Variants in ADAMTSL3 observed in about 807,000 individuals in gnomAD.
ADAMTSL3 encodes the protein ADAMTS like 3.
ADAMTSL3 carries 128 observed loss-of-function variants against 201.7 expected under a neutral mutation model. That is an observed-to-expected ratio of 0.63 (90% confidence interval 0.55 to 0.73). The LOEUF is 0.73. Among genes scored for constraint, ADAMTSL3 ranks in the 30% least tolerant of loss-of-function variants. The probability of loss-of-function intolerance (pLI) is 0.00; values close to 1 mark genes in which losing one functional copy is unlikely to be tolerated. For missense variants in ADAMTSL3, 1,990 were observed against 2,119.6 expected (o/e 0.94, Z 1.20); for synonymous variants, 738 against 748.4 (o/e 0.99, Z 0.23).
At chr15:83,821,640 C>A (rs1175373454) in intron 6 of ADAMTSL3, among the ~76,000 whole-genome samples, 1 of 151,868 alleles carries the variant, frequency 6.6e-6, no homozygotes, top group Admixed American at 6.6e-5. Context: ...CCATGTCTAC[C>A]TCTTTCTACA....
chr15:83,865,010 A>G (rs2064944843), intron 8 of ADAMTSL3, among the ~76,000 whole-genome samples: 1 of 152,214 alleles, frequency 6.6e-6, no homozygotes, highest in South Asian at 2.1e-4. Context: ...ACTCCCATTC[A>G]GAATTGCTTC....
intron 2 of ADAMTSL3, among the ~76,000 whole-genome samples, chr15:83,694,627 T>C (rs557782384): frequency 6.6e-6 from 1 of 152,242 alleles, no homozygotes; most frequent in South Asian, 2.1e-4. Flanking sequence ...ATTGTGTATA[T>C]TGGCAGGGCA....
chr15:83,813,999 A>G (rs984650367), intron 5 of ADAMTSL3, among the ~76,000 whole-genome samples: 2 of 152,226 alleles, frequency 1.3e-5, no homozygotes, highest in African/African-American at 4.8e-5. Flanking sequence ...AGATAAGTGT[A>G]TCATAATTTG....
intron 19 of ADAMTSL3, among the ~76,000 whole-genome samples, chr15:83,946,177 C>T (rs886533151): frequency 1.3e-5 from 2 of 152,240 alleles, no homozygotes; most frequent in African/African-American, 4.8e-5. Flanking sequence ...ACAGTTATAT[C>T]CTGCCTGGTG....
At chr15:83,823,372 A>G (rs1369343521) in intron 6 of ADAMTSL3, among the ~76,000 whole-genome samples, 1 of 152,226 alleles carries the variant, frequency 6.6e-6, no homozygotes, top group Non-Finnish European at 1.5e-5. Flanking sequence ...CACTACCAGG[A>G]GCTTCAGACT....
intron 25 of ADAMTSL3, among the ~76,000 whole-genome samples, chr15:84,019,615 C>T (rs186381669): frequency 7.2e-5 from 11 of 152,096 alleles, no homozygotes; most frequent in South Asian, 2.1e-4. Flanking sequence ...AACCAAAGGC[C>T]GGGCGCAGTG....
intron 23 of ADAMTSL3, among the ~76,000 whole-genome samples, chr15:83,999,499 A>G (rs2067749759): frequency 6.6e-6 from 1 of 152,220 alleles, no homozygotes; most frequent in African/African-American, 2.4e-5. Context: ...GTCTGAATCT[A>G]CTAGCGGGGT....
rs1323609006 is a variant in ADAMTSL3 at position 83,891,311 on chromosome 15, C to T, written c.1212-18C>T. The stretch of plus-strand genomic sequence containing the variant: ...ATTTATTATAGAAATGATATTCTCA[C>T]AATGATTTCATTTGTAGTGATGGAT... On this transcript the variant is annotated intron_variant, in intron 11 of 29. Coordinates refer to ENST00000286744, the MANE Select transcript of ADAMTSL3 (RefSeq NM_207517.3). The T allele has an allele frequency of 2.5e-6, 4 of 1,578,158 alleles. No individual in the cohort carries two copies. Among genetic ancestry groups the T allele is most frequent in the Non-Finnish European group, 2.6e-6 (3 of 1,148,258 alleles).
At chr15:83,858,440 T>C (rs2064786515) in intron 7 of ADAMTSL3, among the ~76,000 whole-genome samples, 1 of 152,206 alleles carries the variant, frequency 6.6e-6, no homozygotes, top group African/African-American at 2.4e-5. Context: ...TGGCACGTTC[T>C]CAGCTCACTG....
At chr15:83,935,495 A>T (rs1279440725) in intron 17 of ADAMTSL3, among the ~76,000 whole-genome samples, 1 of 152,138 alleles carries the variant, frequency 6.6e-6, no homozygotes, top group African/African-American at 2.4e-5. Flanking sequence ...ATATTTCAGA[A>T]TTAATGAAAA....
intron 13 of ADAMTSL3, among the ~76,000 whole-genome samples, chr15:83,894,339 T>G (rs1321396828): frequency 6.6e-6 from 1 of 152,230 alleles, no homozygotes; most frequent in Admixed American, 6.5e-5. Flanking sequence ...AAAAGAAGAT[T>G]AGAGAATTAC....
At position 83,892,705 on chromosome 15, in the gene ADAMTSL3, T is replaced by C. The variant is rs1596366484; in HGVS notation, c.1284T>C (p.Thr428=). 1.2e-6 allele frequency: 2 copies of C among 1,613,920 alleles called. No individual in the cohort carries two copies. The highest frequency in any genetic ancestry group is 3.3e-4 in the Middle Eastern group (2 of 6,062). Residue 428 remains threonine (T), a synonymous_variant, in exon 13 of 30, where the codon ACT becomes ACC. Coordinates refer to ENST00000286744, the MANE Select transcript of ADAMTSL3 (RefSeq NM_207517.3). The part of the protein sequence containing the change: ...PLPRWEHNPW[T]ACSVSCGGGI... Reference sequence around the variant, plus strand: ...TGAGCTGGGAACATAATCCTTGGACTGCATGTTCCGTGTCCTGTGGAGGAG... The same window carrying C: ...TGAGCTGGGAACATAATCCTTGGACCGCATGTTCCGTGTCCTGTGGAGGAG...
chr15:83,913,668 GA>G (rs2141962018), intron 16 of ADAMTSL3, among the ~76,000 whole-genome samples: 1 of 152,290 alleles, frequency 6.6e-6, no homozygotes, highest in East Asian at 1.9e-4. Flanking sequence ...ATGCAGAATG[GA>G]TAAGTTAAGG....
chr15:83,932,613 G>C (rs1011366565), intron 17 of ADAMTSL3, among the ~76,000 whole-genome samples: 18 of 152,158 alleles, frequency 1.2e-4, no homozygotes, highest in African/African-American at 2.9e-4. Context: ...AATCAGAAAG[G>C]CTCCCCTGAG....
chr15:83,719,161 G>T (rs529991796), intron 3 of ADAMTSL3, among the ~76,000 whole-genome samples: 1 of 152,260 alleles, frequency 6.6e-6, no homozygotes, highest in South Asian at 2.1e-4. Flanking sequence ...TCGACCTCCC[G>T]AAAATTGAGG....
At chr15:83,903,390 C>A (rs1473710795) in intron 15 of ADAMTSL3, among the ~76,000 whole-genome samples, 1 of 151,968 alleles carries the variant, frequency 6.6e-6, no homozygotes, top group Non-Finnish European at 1.5e-5. Flanking sequence ...TTCTCATCAC[C>A]CCCCAACATA....
chr15:83,692,405 G>T (rs115764504), intron 2 of ADAMTSL3, among the ~76,000 whole-genome samples: 2,074 of 152,040 alleles, frequency 0.014, 52 homozygotes, highest in African/African-American at 0.047. Context: ...GAGTTTTGAG[G>T]CTGGGCACGG....
At chr15:83,823,463 T>C (rs2063930714) in intron 6 of ADAMTSL3, among the ~76,000 whole-genome samples, 1 of 152,132 alleles carries the variant, frequency 6.6e-6, no homozygotes, top group Admixed American at 6.5e-5. Flanking sequence ...GAAAATGGCT[T>C]CTAGTTGCTT....
chr15:83,780,055 G>T (rs2063141803), intron 4 of ADAMTSL3, among the ~76,000 whole-genome samples: 1 of 102,002 alleles, frequency 9.8e-6, no homozygotes, highest in East Asian at 4.4e-4. Context: ...CCCAAAGCTA[G>T]CAGAGACAAG....
Sources: gnomAD v4.1 joint callset for allele counts (sites outside exome capture counted in the v4.1 genomes callset) on GRCh38, gnomAD v4.1.1 for gene constraint, MANE v1.5 for transcripts, NCBI Gene and HGNC (gene_info 2026-07-23, HGNC 2026-07-21) for gene names.